The following CCDC33 variants were observed in gnomAD, a reference collection of about 807,000 sequenced individuals.
The protein encoded by CCDC33 is coiled-coil domain containing 33, also known as coiled-coil domain-containing protein 33.
A neutral mutation model predicts 91.9 loss-of-function variants in CCDC33; 94 were observed. The observed-to-expected ratio is 1.02, with a 90% CI of 0.87 to 1.21. CCDC33 has a LOEUF of 1.21. Among genes scored for constraint, CCDC33 ranks in the 50% most tolerant of loss-of-function variants. CCDC33 has a pLI of 0.00. For synonymous variants in CCDC33, 396 were observed against 374.5 expected (o/e 1.06, Z -0.66); for missense variants, 940 against 935.5 (o/e 1.00, Z -0.06).
At chr15:74,255,685 C>T (rs1484069667) in intron 2 of CCDC33, among the ~76,000 whole-genome samples, 1 of 152,252 alleles carries the variant, frequency 6.6e-6, no homozygotes, top group Non-Finnish European at 1.5e-5. Context: ...CCACAGCACC[C>T]TGGAATGGGA....
rs1271032390 is a variant in CCDC33, at chr15:74,262,403, C to T, written c.186-37C>T. 1.9e-6 allele frequency: 3 copies of T among 1,611,516 alleles called. No individual in the cohort carries two copies. In the Admixed American group the frequency reaches 5.0e-5, roughly 27 times the overall value. On this transcript the variant is annotated intron_variant, in intron 2 of 18. Transcript: ENST00000398814. Reference sequence around the variant, plus strand: ...GATGGGGACAAGCAGCAGACAGAACCCCTCCCTTTGACTCACCCTGCCCCT... The same window carrying T: ...GATGGGGACAAGCAGCAGACAGAACTCCTCCCTTTGACTCACCCTGCCCCT...
At chr15:74,323,529 T>A (rs901151066) in intron 11 of CCDC33, among the ~76,000 whole-genome samples, 1 of 107,238 alleles carries the variant, frequency 9.3e-6, no homozygotes, top group Admixed American at 8.8e-5. Context: ...TATTTTTTAA[T>A]TATTTTTTTT....
intron 11 of CCDC33, among the ~76,000 whole-genome samples, chr15:74,326,428 T>C (rs1321403303): frequency 6.6e-6 from 1 of 152,186 alleles, no homozygotes; most frequent in Non-Finnish European, 1.5e-5. Flanking sequence ...GCCCCCTCTC[T>C]CTCCACAGCA....
intron 1 of CCDC33, among the ~76,000 whole-genome samples, chr15:74,239,319 G>A (rs1223924763): frequency 2.0e-5 from 3 of 151,960 alleles, no homozygotes; most frequent in Non-Finnish European, 2.9e-5. Context: ...ACCCACCCGC[G>A]GGAGCTGAAT....
At chr15:74,280,549 G>T in intron 8 of CCDC33, 119 bp from the exon 9 acceptor site, 3 of 1,194,234 alleles carry the variant, frequency 2.5e-6, no homozygotes, top group Non-Finnish European at 3.4e-6. Context: ...TATGTGCAGG[G>T]AAAGGCCAGG....
At chr15:74,324,743 C>T (rs950628223) in intron 11 of CCDC33, among the ~76,000 whole-genome samples, 3 of 151,244 alleles carry the variant, frequency 2.0e-5, no homozygotes, top group African/African-American at 7.4e-5. Flanking sequence ...TGCTGGCCTC[C>T]TGCACCTGAG....
Position 74,236,516 on chromosome 15 carries a change from T to G in CCDC33, c.-204T>G. On this transcript the variant is annotated 5_prime_UTR_variant, in exon 1 of 19. Transcript: ENST00000398814. The stretch of plus-strand genomic sequence containing the variant: ...AGGACCTGCTCCCACCTGGCCACCC[T>G]CCCCCTCCCCCCACATCCAGGCCCC... 1.2e-5 allele frequency: 3 copies of G among 241,420 alleles called. No homozygotes were observed. The highest frequency in any genetic ancestry group is 2.4e-5 in the African/African-American group (1 of 41,910). 15.0% of individuals were successfully genotyped at this position (241,420 alleles called of 1,614,324 possible). A position where few individuals can be genotyped will look rare whatever the true frequency, so the allele number is the denominator to read the frequency against.
chr15:74,332,945 C>T lies in CCDC33; in HGVS notation c.1938+100C>T, dbSNP rs2060471950. The T allele has an allele frequency of 1.7e-5, 24 of 1,412,216 alleles. No homozygotes were observed. In the South Asian group the frequency reaches 3.3e-4, roughly 19 times the overall value. 87.5% of individuals were successfully genotyped at this position (1,412,216 alleles called of 1,614,324 possible). On this transcript the variant is annotated intron_variant, in intron 16 of 18. Transcript: ENST00000398814. ...TTGAAGATCAAGACCAGGAGCTAAG[C>T]TTCCCAGGGTCTCCAGTCTGCCTGG... is the stretch of plus-strand genomic sequence containing the variant.
chr15:74,262,600 A>T, intron 3 of CCDC33, 27 bp downstream of exon 3: 1 of 1,602,008 alleles, frequency 6.2e-7, no homozygotes, highest in Non-Finnish European at 8.5e-7. Context: ...CAGGGCCGGC[A>T]TGTGCAGGCA....
chr15:74,238,188 A>G (rs1254149921), intron 1 of CCDC33, among the ~76,000 whole-genome samples: 5 of 152,104 alleles, frequency 3.3e-5, no homozygotes, highest in African/African-American at 9.7e-5. Flanking sequence ...GCACTTTGGG[A>G]GGCCAAGGCA....
At chr15:74,241,776 A>G (rs1452756574) in intron 1 of CCDC33, among the ~76,000 whole-genome samples, 1 of 152,212 alleles carries the variant, frequency 6.6e-6, no homozygotes, top group Non-Finnish European at 1.5e-5. Context: ...GTCAGAGTCC[A>G]GATATAGTTT....
At chr15:74,247,660 A>T (rs750181619) in intron 2 of CCDC33, among the ~76,000 whole-genome samples, 1 of 152,226 alleles carries the variant, frequency 6.6e-6, no homozygotes, top group Non-Finnish European at 1.5e-5. Context: ...AGAGAGTAGA[A>T]TGGTGGCTGT....
intron 2 of CCDC33, among the ~76,000 whole-genome samples, chr15:74,226,720 C>T (rs538723966): frequency 4.7e-4 from 71 of 150,878 alleles, no homozygotes; most frequent in African/African-American, 1.7e-3. Context: ...CCCAGCTACT[C>T]GGGAGGCTGA....
At chr15:74,291,535 C>T (rs959875329) in intron 10 of CCDC33, among the ~76,000 whole-genome samples, 1 of 152,238 alleles carries the variant, frequency 6.6e-6, no homozygotes, top group African/African-American at 2.4e-5. Flanking sequence ...TGTCAGTTTC[C>T]GCTTCAGGCC....
intron 1 of CCDC33, 182 bp from the exon 2 acceptor site, chr15:74,243,803 G>A (rs997359301): frequency 1.5e-6 from 1 of 689,288 alleles, no homozygotes; most frequent in African/African-American, 1.8e-5. Context: ...AAATTAGTTG[G>A]ATGTGGTGGC....
intron 11 of CCDC33, chr15:74,301,913 CCT>C (rs1376756982): frequency 8.7e-6 from 1 of 115,570 alleles, no homozygotes; most frequent in African/African-American, 2.5e-5. Flanking sequence ...CTCTCTGCCT[CCT>C]CTGTTTCCCT....
At chr15:74,249,222 C>A (rs984504304) in intron 2 of CCDC33, among the ~76,000 whole-genome samples, 1 of 152,100 alleles carries the variant, frequency 6.6e-6, no homozygotes, top group Non-Finnish European at 1.5e-5. Context: ...TGCAGCGGCT[C>A]ACACCTGTAA....
At chr15:74,245,441 C>T (rs1453943395) in intron 2 of CCDC33, among the ~76,000 whole-genome samples, 1 of 152,244 alleles carries the variant, frequency 6.6e-6, no homozygotes, top group Non-Finnish European at 1.5e-5. Context: ...GTGGTGGGAG[C>T]AGGCTTGGCA....
At chr15:74,221,564 C>T (rs1202984531) in intron 2 of CCDC33, 1 of 152,714 alleles carries the variant, frequency 6.5e-6, no homozygotes, top group African/African-American at 2.4e-5. Context: ...AACACCTTCG[C>T]TTCTCCAGTC....
Sources: allele counts gnomAD v4.1 joint callset (sites outside exome capture counted in the v4.1 genomes callset), GRCh38; gene constraint gnomAD v4.1.1; transcripts MANE v1.5; gene names NCBI Gene and HGNC (gene_info 2026-07-23, HGNC 2026-07-21).